The following SSBP4 variants were observed in gnomAD, a reference collection of about 807,000 sequenced individuals.
SSBP4 encodes the protein single-stranded DNA-binding protein 4.
A neutral mutation model predicts 64.6 loss-of-function variants in SSBP4; 33 were observed. That is an observed-to-expected ratio of 0.51 (90% CI 0.39 to 0.68). The LOEUF is 0.68. Among genes scored for constraint, SSBP4 ranks in the 30% least tolerant of loss-of-function variants. The probability of loss-of-function intolerance (pLI) is 0.00; values close to 1 mark genes in which losing one functional copy is unlikely to be tolerated. For synonymous variants in SSBP4, 243 were observed against 224.0 expected (o/e 1.08, Z -0.76); for missense variants, 583 against 566.8 (o/e 1.03, Z -0.29).
chr19:18,406,027 G>A, the SSBP4 span, among the ~76,000 whole-genome samples: 5 of 151,502 alleles, frequency 3.3e-5, no homozygotes, highest in Non-Finnish European at 5.9e-5. Context: ...AAAGAAGAGA[G>A]ATGGGGTTTT....
intron 4 of SSBP4, among the ~76,000 whole-genome samples, chr19:18,429,028 A>G (rs1443104443): frequency 6.6e-6 from 1 of 151,994 alleles, no homozygotes; most frequent in African/African-American, 2.4e-5. Context: ...CGCGCTTCCC[A>G]GGCGCGCAGC....
chr19:18,418,506 G>A (rs760723163), upstream of SSBP4, among the ~76,000 whole-genome samples: 40 of 149,020 alleles, frequency 2.7e-4, no homozygotes, highest in Non-Finnish European at 5.5e-4. The surrounding 1 kb of genome is among the most constrained non-coding windows in gnomAD (Gnocchi z 6.7). Flanking sequence ...GGTGGGATGC[G>A]CCCCATTTAC....
rs778835993 is a variant in SSBP4 at position 18,431,680 on chromosome 19, C to A, written c.469C>A (p.Arg157=). The A allele has an allele frequency of 3.2e-6, 5 of 1,552,696 alleles. No homozygotes were observed. The Admixed American group carries it at 9.6e-5, about 30-fold the overall frequency. Residue 157 remains arginine, a synonymous_variant, in exon 7 of 18, where the codon CGG becomes AGG. Coordinates refer to ENST00000270061, the MANE Select transcript of SSBP4 (RefSeq NM_032627.5). ...GTCACCGCGCTTCCCAGGGGGCCCC[C>A]GGCCCACCCTGCGGATGCCGAGTCA... ...FMSPRFPGGP[R]PTLRMPSQPP...
Position 18,434,381 on chromosome 19 carries a change from C to G in SSBP4, c.*135C>G, listed in dbSNP as rs1036263590. 4 of 1,428,742 alleles carry G rather than the reference C, an allele frequency of 2.8e-6. No homozygotes were observed. The African/African-American group carries it at 4.4e-5, about 16-fold the overall frequency. 88.5% of individuals were successfully genotyped at this position (1,428,742 alleles called of 1,614,324 possible). A position where few individuals can be genotyped will look rare whatever the true frequency, so the allele number is the denominator to read the frequency against. On this transcript the variant is annotated 3_prime_UTR_variant, in exon 18 of 18. Coordinates refer to ENST00000270061, the MANE Select transcript of SSBP4 (RefSeq NM_032627.5). Reference sequence around the variant, plus strand: ...AGGCTTGCCCAGCTGGGAGGCCCCACACGAAAGACTCTTACCATTTTATTA... The same window carrying G: ...AGGCTTGCCCAGCTGGGAGGCCCCAGACGAAAGACTCTTACCATTTTATTA...
the SSBP4 span, among the ~76,000 whole-genome samples, chr19:18,410,889 T>C: frequency 6.6e-6 from 1 of 152,190 alleles, no homozygotes; most frequent in Non-Finnish European, 1.5e-5. Context: ...ATTGGTAATC[T>C]TTAGTCCATT....
At chr19:18,432,431 T>C in intron 10 of SSBP4, 128 bp from the exon 11 acceptor site, 1 of 1,423,934 alleles carries the variant, frequency 7.0e-7, no homozygotes, top group Admixed American at 2.2e-5. Flanking sequence ...GGTGGCCACT[T>C]TTCCAGCAAC....
At chr19:18,412,831 G>A in the SSBP4 span, among the ~76,000 whole-genome samples, 2 of 152,300 alleles carry the variant, frequency 1.3e-5, no homozygotes, top group East Asian at 1.9e-4. Flanking sequence ...GAGGTTCAGC[G>A]AGAGCACTGA....
intron 1 of SSBP4, among the ~76,000 whole-genome samples, chr19:18,421,102 G>A (rs1435228488): frequency 1.3e-5 from 2 of 152,296 alleles, no homozygotes; most frequent in East Asian, 3.9e-4. Context: ...TTGGCTGAGT[G>A]TCCCCCATCC....
intron 17 of SSBP4, 51 bp downstream of exon 17, chr19:18,433,868 C>CT (rs1568360085): frequency 8.5e-7 from 1 of 1,174,552 alleles, no homozygotes; most frequent in Non-Finnish European, 1.0e-6. Context: ...GCCGGAGGGG[C>CT]TGGCGGGCAG....
intron 4 of SSBP4, among the ~76,000 whole-genome samples, chr19:18,428,775 C>A (rs1276953578): frequency 6.6e-6 from 1 of 152,178 alleles, no homozygotes; most frequent in Non-Finnish European, 1.5e-5. Flanking sequence ...GAAGATGCCT[C>A]CAGCACTCTG....
chr19:18,418,887 C>G, upstream of SSBP4: 1 of 874,176 alleles, frequency 1.1e-6, no homozygotes, highest in African/African-American at 1.8e-5. The surrounding 1 kb of genome is among the most constrained non-coding windows in gnomAD (Gnocchi z 6.7). Context: ...TTTAGTTGTT[C>G]CAGGACGGCC....
the SSBP4 span, among the ~76,000 whole-genome samples, chr19:18,402,907 G>A: frequency 2.0e-5 from 3 of 152,164 alleles, no homozygotes; most frequent in African/African-American, 4.8e-5. Context: ...GTGCTGAGGA[G>A]GATTAGTAAA....
Position 18,427,568 on chromosome 19 carries a change from C to G in SSBP4, c.132+145C>G, listed in dbSNP as rs961157174. The G allele has an allele frequency of 1.6e-6, 2 of 1,246,130 alleles. No individual in the cohort carries two copies. The highest frequency in any genetic ancestry group is 2.4e-5 in the Admixed American group (1 of 41,428). 77.2% of individuals were successfully genotyped at this position (1,246,130 alleles called of 1,614,324 possible). ...GGCTCTGCAGGGTCCAGGCCCTGGG[C>G]TAGCATCCAGGCATCTGGTCCACAT... On this transcript the variant is annotated intron_variant, in intron 2 of 17. Transcript: ENST00000270061. The surrounding 1 kb of genome is among the most constrained non-coding windows in gnomAD (Gnocchi z 4.4).
At chr19:18,414,849 C>T (rs1028117754), upstream of SSBP4, among the ~76,000 whole-genome samples, 7 of 152,122 alleles carry the variant, frequency 4.6e-5, no homozygotes, top group Non-Finnish European at 8.8e-5. Flanking sequence ...AGCTGTTTCC[C>T]GGTCAAGGCC....
In SSBP4 at chr19:18,433,582, T is replaced by TA; in HGVS notation, c.992-2dup. 2 of 1,530,268 alleles carry TA rather than the reference T, an allele frequency of 1.3e-6. No individual in the cohort carries two copies. Among genetic ancestry groups the TA allele is most frequent in the Non-Finnish European group, 1.8e-6 (2 of 1,140,060 alleles). 94.8% of individuals were successfully genotyped at this position (1,530,268 alleles called of 1,614,324 possible). A position where few individuals can be genotyped will look rare whatever the true frequency, so the allele number is the denominator to read the frequency against. ...CGGTGCCCGTGTCTGTCCGTGTCTG[T>TA]AGGCTCGGGCGACATGGACGGGTTG... On this transcript the variant is annotated splice_region_variant and splice_polypyrimidine_tract_variant and intron_variant, in intron 15 of 17. Transcript: ENST00000270061.
At chr19:18,419,043 G>C (rs1300096725), upstream of SSBP4, 1 of 985,490 alleles carries the variant, frequency 1.0e-6, no homozygotes, top group Non-Finnish European at 1.2e-6. Flanking sequence ...ATCCGCAGTC[G>C]TTCCAGCAGC....
chr19:18,413,113 T>A, the SSBP4 span, among the ~76,000 whole-genome samples: 1 of 148,410 alleles, frequency 6.7e-6, no homozygotes, highest in Admixed American at 6.7e-5. Context: ...GGGGTCCCAC[T>A]CAGGGGCGAG....
Position 18,431,392 on chromosome 19 carries a change from G to C in SSBP4, c.409G>C (p.Ala137Pro). 4 of 1,269,202 alleles carry C rather than the reference G, an allele frequency of 3.2e-6. No individual in the cohort carries two copies. Among genetic ancestry groups the C allele is most frequent in the Admixed American group, 3.0e-5 (1 of 33,262 alleles). The allele number at this position is 1,269,202 out of a possible 1,614,324, so 78.6% of individuals were successfully genotyped here. Residue 137 changes from alanine to proline, a missense_variant, in exon 6 of 18, where the codon GCC becomes CCC. Physicochemically the swap from Ala to Pro is conservative, Grantham distance 27. Around this residue, in one of 5 missense-constraint regions of SSBP4, gnomAD observed 444 missense variants for 386.6 expected, o/e 1.15. Transcript: ENST00000270061. Reference protein sequence around the residue: ...GSQPSPHNPNAPMMGPHGQPF... With the variant: ...GSQPSPHNPNPPMMGPHGQPF... The stretch of plus-strand genomic sequence containing the variant: ...CCAGCCGTCCCCCCACAACCCCAAC[G>C]CCCCCATGATGGGGCCTCACGGTCA...
chr19:18,413,774 TG>T, the SSBP4 span, among the ~76,000 whole-genome samples: 2 of 151,252 alleles, frequency 1.3e-5, no homozygotes, highest in African/African-American at 4.9e-5. Flanking sequence ...CGCAGCACTT[TG>T]GGAGGCCAAG....
Sources: gnomAD v4.1 joint callset for allele counts (sites outside exome capture counted in the v4.1 genomes callset) on GRCh38, gnomAD v4.1.1 for gene constraint, gnomAD v4.1.1 regional missense constraint, Gnocchi (gnomAD v3.1) non-coding constraint, MANE v1.5 for transcripts, NCBI Gene and HGNC (gene_info 2026-07-23, HGNC 2026-07-21) for gene names.